CYP2C19: variants seen among roughly 807,000 people sequenced by gnomAD.
CYP2C19 encodes cytochrome P450 family 2 subfamily C member 19, also known as cytochrome P450 2C19.
Under a neutral mutation model 40.9 loss-of-function variants are expected in CYP2C19, and 59 were observed. The observed-to-expected ratio is 1.44, with a 90% confidence interval of 1.17 to 1.79. The LOEUF is 1.79. CYP2C19 is among the 40% of genes most tolerant of loss of function. The pLI is 0.00. For synonymous variants in CYP2C19, 253 were observed against 208.7 expected (o/e 1.21, Z -1.83); for missense variants, 754 against 596.9 (o/e 1.26, Z -2.74).
At chr10:94,808,721 A>G (rs1415615533) in intron 5 of CYP2C19, among the ~76,000 whole-genome samples, 2 of 152,178 alleles carry the variant, frequency 1.3e-5, no homozygotes, top group African/African-American at 4.8e-5. Flanking sequence ...TTCACTTAAC[A>G]TAATAATCTC....
At chr10:94,765,882 C>T (rs1848234329) in intron 1 of CYP2C19, among the ~76,000 whole-genome samples, 1 of 151,978 alleles carries the variant, frequency 6.6e-6, no homozygotes, top group South Asian at 2.1e-4. Context: ...AGGGGCAGGC[C>T]TGATAACAGG....
intron 3 of CYP2C19, among the ~76,000 whole-genome samples, chr10:94,778,139 C>T (rs1004946784): frequency 3.5e-4 from 53 of 152,126 alleles, no homozygotes; most frequent in African/African-American, 1.3e-3. Flanking sequence ...AGGCACAATG[C>T]TGAAAACCTG....
At chr10:94,763,569 T>C (rs1848201808) in intron 1 of CYP2C19, among the ~76,000 whole-genome samples, 2 of 152,104 alleles carry the variant, frequency 1.3e-5, no homozygotes, top group South Asian at 4.2e-4. Flanking sequence ...GTTATTAGCA[T>C]ATACAGAGAG....
In CYP2C19 at chr10:94,800,876, A is replaced by T. The variant is rs116775475; in HGVS notation, c.819+18879A>T. 4.7e-3 allele frequency among the ~76,000 whole-genome samples: 714 copies of T among 152,306 alleles called. 3 individuals carry two copies. Among genetic ancestry groups the T allele is most frequent in the African/African-American group, 0.017 (691 of 41,568 alleles). On this transcript the variant is annotated intron_variant, in intron 5 of 8. Transcript: ENST00000371321. Reference sequence around the variant, plus strand: ...TGCCTGTTGCTAAGACCATGGGAAAAGCACAGTATTTGAGTGAGAGTGTCC... The same window carrying T: ...TGCCTGTTGCTAAGACCATGGGAAATGCACAGTATTTGAGTGAGAGTGTCC...
intron 5 of CYP2C19, among the ~76,000 whole-genome samples, chr10:94,806,409 G>A (rs958837124): frequency 1.3e-5 from 2 of 151,922 alleles, no homozygotes; most frequent in Admixed American, 1.3e-4. Flanking sequence ...ATTCTTTTGG[G>A]TATATACCCA....
intron 5 of CYP2C19, among the ~76,000 whole-genome samples, chr10:94,816,735 C>T (rs531692444): frequency 5.4e-5 from 7 of 130,012 alleles, no homozygotes; most frequent in African/African-American, 1.4e-4. Context: ...CCCCTCCCCC[C>T]ACCCCACATC....
At chr10:94,850,126 C>T in intron 8 of CYP2C19, 68 bp downstream of exon 8, 2 of 1,552,366 alleles carry the variant, frequency 1.3e-6, no homozygotes, top group South Asian at 1.1e-5. Flanking sequence ...TTGGAACTTA[C>T]ATGTGCCTTC....
In CYP2C19 at chr10:94,820,498, A is replaced by G; in HGVS notation, c.822A>G (p.Glu274=). Residue 274 remains glutamate, a splice_region_variant and synonymous_variant, in exon 6 of 9, where the codon GAA becomes GAG. Transcript: ENST00000371321. ...TAATTGCATCAAATCATTCCTAGGA[A>G]AAGCAAAACCAACAGTCTGAATTCA... ...IDCFLIKMEK[E]KQNQQSEFTI... 6.2e-7 allele frequency: 1 copy of G among 1,614,174 alleles called. No individual in the cohort carries two copies. The highest frequency in any genetic ancestry group is 8.5e-7 in the Non-Finnish European group (1 of 1,180,028).
intron 1 of CYP2C19, among the ~76,000 whole-genome samples, chr10:94,765,210 C>T (rs1301763394): frequency 6.6e-6 from 1 of 152,086 alleles, no homozygotes; most frequent in Non-Finnish European, 1.5e-5. Context: ...AGTAGCCATT[C>T]CTAACCCTAT....
At chr10:94,820,683 G>A (rs1169478914) in intron 6 of CYP2C19, 46 bp downstream of exon 6, 1 of 1,611,520 alleles carries the variant, frequency 6.2e-7, no homozygotes, top group Non-Finnish European at 8.5e-7. Context: ...GAAAGATGTT[G>A]GGAAGGTGCT....
chr10:94,846,803 G>C (rs947401501), intron 7 of CYP2C19, among the ~76,000 whole-genome samples: 1 of 151,012 alleles, frequency 6.6e-6, no homozygotes, highest in Non-Finnish European at 1.5e-5. Flanking sequence ...TCGTCATTTA[G>C]CATTAGGTAT....
At position 94,829,323 on chromosome 10, in the gene CYP2C19, T is replaced by G. The variant is rs1849289041; in HGVS notation, c.961+8686T>G. On this transcript the variant is annotated intron_variant, in intron 6 of 8. Coordinates refer to ENST00000371321, the MANE Select transcript of CYP2C19 (RefSeq NM_000769.4). ...CACCAATCCGAAGTAGATTTGGTCT[T>G]TTCACATAGTCCCATATTTCTTGGA... 2.0e-5 allele frequency among the ~76,000 whole-genome samples: 3 copies of G among 152,194 alleles called. No homozygotes were observed. The South Asian group carries it at 6.2e-4, about 32-fold the overall frequency.
chr10:94,795,189 T>G (rs1488557643), intron 5 of CYP2C19, among the ~76,000 whole-genome samples: 1 of 126,686 alleles, frequency 7.9e-6, no homozygotes, highest in African/African-American at 3.0e-5. Flanking sequence ...GTGTGTGATA[T>G]TCTCCTTCCT....
At chr10:94,838,028 A>G (rs1263557709) in intron 6 of CYP2C19, among the ~76,000 whole-genome samples, 6 of 152,146 alleles carry the variant, frequency 3.9e-5, no homozygotes, top group African/African-American at 1.2e-4. Context: ...AGAGCCTCCA[A>G]TGTCCACTTG....
chr10:94,817,387 G>T (rs1337051402), intron 5 of CYP2C19, among the ~76,000 whole-genome samples: 1 of 147,296 alleles, frequency 6.8e-6, no homozygotes, highest in Non-Finnish European at 1.5e-5. Flanking sequence ...CTTTTGAGAA[G>T]TGTCTGTTCA....
chr10:94,765,336 C>T (rs1372660568), intron 1 of CYP2C19, among the ~76,000 whole-genome samples: 1 of 152,026 alleles, frequency 6.6e-6, no homozygotes, highest in Non-Finnish European at 1.5e-5. Flanking sequence ...GACTAAGGTG[C>T]AGGTGCCAGT....
At chr10:94,839,132 G>A (rs532755839) in intron 6 of CYP2C19, among the ~76,000 whole-genome samples, 1 of 152,048 alleles carries the variant, frequency 6.6e-6, no homozygotes, top group Admixed American at 6.5e-5. Flanking sequence ...TCCTTTCCAG[G>A]GTGCATAACC....
At chr10:94,793,982 C>T (rs1464893725) in intron 5 of CYP2C19, among the ~76,000 whole-genome samples, 3 of 152,118 alleles carry the variant, frequency 2.0e-5, no homozygotes, top group East Asian at 3.8e-4. Flanking sequence ...GGCAGGCAGG[C>T]CTCCTTGAGG....
chr10:94,822,219 A>G (rs894289930), intron 6 of CYP2C19, among the ~76,000 whole-genome samples: 5 of 152,196 alleles, frequency 3.3e-5, no homozygotes, highest in Non-Finnish European at 7.3e-5. Context: ...TAATTCATAA[A>G]GGAAAGAGGT....
Sources: allele counts gnomAD v4.1 joint callset (sites outside exome capture counted in the v4.1 genomes callset), GRCh38; gene constraint gnomAD v4.1.1; transcripts MANE v1.5; gene names NCBI Gene and HGNC (gene_info 2026-07-23, HGNC 2026-07-21).